Variants in TBCCD1 observed in about 807,000 individuals in gnomAD.
TBCCD1 encodes the protein TBCC domain containing 1.
A neutral mutation model predicts 53.4 loss-of-function variants in TBCCD1; 26 were observed. That is an observed-to-expected ratio of 0.49 (90% CI 0.36 to 0.68). The LOEUF (loss-of-function observed/expected upper bound fraction) is 0.68, where lower values mean the gene tolerates loss of function less well. TBCCD1 is among the 30% of genes least tolerant of loss of function. The probability of loss-of-function intolerance (pLI) is 0.00; values close to 1 mark genes in which losing one functional copy is unlikely to be tolerated. For synonymous variants in TBCCD1, 245 were observed against 241.7 expected, an observed-to-expected ratio of 1.01 and a Z score of -0.13; for missense variants, 558 against 669.5, an observed-to-expected ratio of 0.83 and a Z score of 1.84.
chr3:186,547,174 T>C (rs994701510), intron 7 of TBCCD1, among the ~76,000 whole-genome samples: 1 of 152,014 alleles, frequency 6.6e-6, no homozygotes, highest in Admixed American at 6.6e-5. Flanking sequence ...ATGTAAAAAA[T>C]TGTTAAGCAG....
At chr3:186,567,158 G>C (rs2108467201) in intron 1 of TBCCD1, 109 bp downstream of exon 1, 1 of 152,422 alleles carries the variant, frequency 6.6e-6, no homozygotes, top group South Asian at 2.1e-4. Context: ...CGCTGACAGG[G>C]TCGGTAGCTG....
chr3:186,562,483 C>T (rs1329650854), intron 2 of TBCCD1, among the ~76,000 whole-genome samples: 1 of 152,062 alleles, frequency 6.6e-6, no homozygotes, highest in Admixed American at 6.6e-5. Flanking sequence ...CTAAAATAGT[C>T]AAACTCATAA....
At position 186,554,667 on chromosome 3, in the gene TBCCD1, A is replaced by T. The variant is rs1176935630; in HGVS notation, c.1131T>A (p.Asn377Lys). 1 of 1,614,238 alleles carries T rather than the reference A, an allele frequency of 6.2e-7. No homozygotes were observed. Among genetic ancestry groups the T allele is most frequent in the Admixed American group, 1.7e-5 (1 of 60,036 alleles). ...GATGGCAAACAGCAATGACTTTAAC[A>T]TTGTCACAACTGTGGAGGTGAAGTG... ...GTTLHLHSCDNVKVIAVCHRL... is the reference protein window; with the variant it reads ...GTTLHLHSCDKVKVIAVCHRL... The change falls in exon 6 of 8, where the codon AAT (asparagine) becomes AAA (lysine). Residue 377 changes from asparagine (N) to lysine (K), a missense_variant. By Grantham distance (94) the Asn-to-Lys change is moderately conservative (BLOSUM62 0). Transcript: ENST00000338733.
intron 3 of TBCCD1, 47 bp downstream of exon 3, chr3:186,558,370 A>G: frequency 2.5e-6 from 4 of 1,573,134 alleles, no homozygotes; most frequent in Non-Finnish European, 3.5e-6. Flanking sequence ...ACCATCTCCC[A>G]CACAAATTGT....
intron 1 of TBCCD1, among the ~76,000 whole-genome samples, chr3:186,567,042 A>G (rs368354738): frequency 7.9e-5 from 12 of 152,318 alleles, no homozygotes; most frequent in African/African-American, 2.9e-4. Flanking sequence ...CGTGGGTCCA[A>G]GGCGGCTGTC....
In TBCCD1 at chr3:186,551,269, T is replaced by C; in HGVS notation, c.1555A>G (p.Lys519Glu). 6.2e-7 allele frequency: 1 copy of C among 1,612,252 alleles called. No individual in the cohort carries two copies. The highest frequency in any genetic ancestry group is 8.5e-7 in the Non-Finnish European group (1 of 1,179,456). Residue 519 changes from lysine to glutamate, a missense_variant, in exon 7 of 8, where the codon AAG (lysine) becomes GAG (glutamate). Physicochemically the swap from Lys to Glu is moderately conservative, Grantham distance 56. Coordinates refer to ENST00000338733, the MANE Select transcript of TBCCD1 (RefSeq NM_018138.5). ...TTCTCTACCAGTACCTGGAACTGCT[T>C]CCTTTGATCCCTAAAATTGCGATTA... ...KEAHLTKDQR[K>E]QFQVLVENKF...
chr3:186,560,735 T>C (rs1290900182), intron 2 of TBCCD1, among the ~76,000 whole-genome samples: 1 of 152,226 alleles, frequency 6.6e-6, no homozygotes, highest in Non-Finnish European at 1.5e-5. Context: ...ATGGGAATAA[T>C]GCCTTAGCCA....
intron 2 of TBCCD1, among the ~76,000 whole-genome samples, chr3:186,559,842 G>T (rs1308502047): frequency 6.6e-6 from 1 of 152,094 alleles, no homozygotes; most frequent in African/African-American, 2.4e-5. Flanking sequence ...TCAGGATATT[G>T]ACACCGATAC....
intron 6 of TBCCD1, among the ~76,000 whole-genome samples, chr3:186,552,996 T>C (rs1291374471): frequency 6.6e-6 from 1 of 152,192 alleles, no homozygotes; most frequent in Non-Finnish European, 1.5e-5. Flanking sequence ...TGAAGTATGA[T>C]GGGAGGCCAT....
chr3:186,567,360 C>A (rs552461749), upstream of TBCCD1: 14 of 152,368 alleles, frequency 9.2e-5, no homozygotes, highest in African/African-American at 3.1e-4. Flanking sequence ...CCTCCGCGCG[C>A]CGCTGCCGTG....
At chr3:186,566,283 C>T (rs2108466477) in intron 1 of TBCCD1, among the ~76,000 whole-genome samples, 1 of 152,276 alleles carries the variant, frequency 6.6e-6, no homozygotes, top group African/African-American at 2.4e-5. Context: ...TCAGGTGATC[C>T]GCCTGCCTTG....
chr3:186,550,136 A>G (rs1560222674), intron 7 of TBCCD1, among the ~76,000 whole-genome samples: 1 of 150,474 alleles, frequency 6.6e-6, no homozygotes, highest in Non-Finnish European at 1.5e-5. Context: ...CTGAGGCAGG[A>G]GAATTGCTTG....
At chr3:186,556,362 C>T in intron 4 of TBCCD1, 47 bp downstream of exon 4, 1 of 1,561,804 alleles carries the variant, frequency 6.4e-7, no homozygotes, top group Non-Finnish European at 8.6e-7. Context: ...CACTAGGTTC[C>T]TTAAGTTGTC....
At position 186,561,516 on chromosome 3, in the gene TBCCD1, G is replaced by A. The variant is rs557403758; in HGVS notation, c.336+2478C>T. On this transcript the variant is annotated intron_variant, in intron 2 of 7. Coordinates refer to ENST00000338733, the MANE Select transcript of TBCCD1 (RefSeq NM_018138.5). ...GCCATTATAAAAAATAGGGCCGGGC[G>A]CGGTGGCTCACGCCTGTAATCCCAG... Among the ~76,000 whole-genome samples, 16 of 152,300 alleles carry A rather than the reference G, an allele frequency of 1.1e-4. 1 individual carries two copies. The highest frequency in any genetic ancestry group is 7.8e-4 in the Admixed American group (12 of 15,304).
chr3:186,566,141 G>C (rs1424641576), intron 1 of TBCCD1, among the ~76,000 whole-genome samples: 1 of 151,504 alleles, frequency 6.6e-6, no homozygotes, highest in South Asian at 2.1e-4. Flanking sequence ...AGGTTCAAAC[G>C]ATTCTCCTGC....
chr3:186,554,438 C>G lies in TBCCD1; in HGVS notation c.1360G>C (p.Asp454His). 2 of 1,614,194 alleles carry G rather than the reference C, an allele frequency of 1.2e-6. No individual in the cohort carries two copies. Among genetic ancestry groups the G allele is most frequent in the South Asian group, 2.2e-5 (2 of 91,070 alleles). The change falls in exon 6 of 8, where the codon GAC becomes CAC. Residue 454 changes from aspartate to histidine, a missense_variant. Physicochemically the swap from Asp to His is moderately conservative, Grantham distance 81. Coordinates refer to ENST00000338733, the MANE Select transcript of TBCCD1 (RefSeq NM_018138.5). ...NPMVVCRENSDTRVFQLLPPC... is the reference protein window; with the variant it reads ...NPMVVCRENSHTRVFQLLPPC... ...GGTAAAAGCTGGAAGACTCTTGTGT[C>G]GCTGTTCTCTCTGCACACAACCATT...
intron 3 of TBCCD1, among the ~76,000 whole-genome samples, 157 bp downstream of exon 3, chr3:186,558,260 T>C (rs1714596321): frequency 1.3e-5 from 2 of 152,178 alleles, no homozygotes; most frequent in African/African-American, 4.8e-5. Context: ...CTGTACACAC[T>C]GATTTTGTTT....
In TBCCD1 at chr3:186,555,051, C is replaced by T. The variant is rs775319222; in HGVS notation, c.893G>A (p.Cys298Tyr). 2.5e-6 allele frequency: 4 copies of T among 1,610,542 alleles called. No individual in the cohort carries two copies. The South Asian group carries it at 4.4e-5, about 18-fold the overall frequency. Residue 298 changes from cysteine (C) to tyrosine (Y), a missense_variant, in exon 5 of 8, where the codon TGT (cysteine) becomes TAT (tyrosine). By Grantham distance (194) the Cys-to-Tyr change is radical (BLOSUM62 -2). Coordinates refer to ENST00000338733, the MANE Select transcript of TBCCD1 (RefSeq NM_018138.5). ...CATCCTAGGGGCCACATGAGTATTA[C>T]AAGCAATCTTAGCTCTTTTGGTGGT... ...EGTTKRAKIA[C>Y]NTHVAPRMHR...
At chr3:186,569,307 T>TA (rs879901733), upstream of TBCCD1, among the ~76,000 whole-genome samples, 40,173 of 150,586 alleles carry the variant, frequency 0.27, 6,779 homozygotes, top group African/African-American at 0.48. Context: ...TGACTTTTAT[T>TA]TTTTATTTAT....
Sources: allele counts gnomAD v4.1 joint callset (sites outside exome capture counted in the v4.1 genomes callset), GRCh38; gene constraint gnomAD v4.1.1; transcripts MANE v1.5; gene names NCBI Gene and HGNC (gene_info 2026-07-23, HGNC 2026-07-21).